NCAM2: variants seen among roughly 807,000 people sequenced by gnomAD.
NCAM2 encodes the protein N-CAM-2.
Under a neutral mutation model 98.1 loss-of-function variants are expected in NCAM2, and 30 were observed. That is an observed-to-expected ratio of 0.31 (90% CI 0.23 to 0.41). NCAM2 has a LOEUF of 0.41. Among genes scored for constraint, NCAM2 ranks in the 10% least tolerant of loss-of-function variants. The probability of loss-of-function intolerance (pLI) is 1.00; values close to 1 mark genes in which losing one functional copy is unlikely to be tolerated. For synonymous variants in NCAM2, 368 were observed against 342.4 expected (o/e 1.07, Z -0.83); for missense variants, 867 against 1,005.8 (o/e 0.86, Z 1.87).
chr21:21,227,674 A>T (rs1375466847), intron 1 of NCAM2, among the ~76,000 whole-genome samples: 1 of 151,924 alleles, frequency 6.6e-6, no homozygotes, highest in Admixed American at 6.6e-5. Context: ...TCTCTAGCAG[A>T]TATGTCTAAA....
At chr21:21,340,446 C>T (rs917146512) in intron 8 of NCAM2, among the ~76,000 whole-genome samples, 5 of 151,968 alleles carry the variant, frequency 3.3e-5, no homozygotes, top group African/African-American at 1.2e-4. Flanking sequence ...CACACAGATA[C>T]TTATTCTGTA....
At chr21:21,080,297 C>G (rs115062802) in intron 1 of NCAM2, among the ~76,000 whole-genome samples, 1 of 152,040 alleles carries the variant, frequency 6.6e-6, no homozygotes, top group Non-Finnish European at 1.5e-5. Context: ...CCCCTAAAGA[C>G]ATTAACATTT....
At chr21:21,187,781 A>G (rs1386290989) in intron 1 of NCAM2, among the ~76,000 whole-genome samples, 2 of 152,152 alleles carry the variant, frequency 1.3e-5, no homozygotes, top group African/African-American at 2.4e-5. Context: ...CTGACTCACT[A>G]CTGAGTGAGC....
intron 5 of NCAM2, among the ~76,000 whole-genome samples, chr21:21,307,432 A>G (rs2073918134): frequency 6.6e-6 from 1 of 152,130 alleles, no homozygotes; most frequent in Non-Finnish European, 1.5e-5. Context: ...TTCTGCTCCA[A>G]CAAATTACAA....
At chr21:21,096,712 T>C (rs535472285) in intron 1 of NCAM2, among the ~76,000 whole-genome samples, 1 of 151,802 alleles carries the variant, frequency 6.6e-6, no homozygotes, top group South Asian at 2.1e-4. Flanking sequence ...ACTCTTTTAA[T>C]ATCATGGAAT....
At chr21:21,439,211 C>T (rs911178040) in intron 12 of NCAM2, among the ~76,000 whole-genome samples, 4 of 151,952 alleles carry the variant, frequency 2.6e-5, no homozygotes, top group South Asian at 4.1e-4. Flanking sequence ...CTCCGCCTCC[C>T]GGGTTCAAGC....
At chr21:21,491,926 T>A (rs1986879445) in intron 15 of NCAM2, among the ~76,000 whole-genome samples, 1 of 151,650 alleles carries the variant, frequency 6.6e-6, no homozygotes, top group African/African-American at 2.4e-5. Context: ...TTTCTTTTTA[T>A]TATTTTTGTT....
intron 5 of NCAM2, among the ~76,000 whole-genome samples, chr21:21,315,974 C>T (rs117915233): frequency 0.022 from 3,290 of 152,098 alleles, 55 homozygotes; most frequent in Non-Finnish European, 0.036. Flanking sequence ...ATGATCAGAG[C>T]CTTATTTAAA....
chr21:21,395,401 TA>T (rs2076481852), intron 9 of NCAM2, among the ~76,000 whole-genome samples: 1 of 152,082 alleles, frequency 6.6e-6, no homozygotes, highest in Non-Finnish European at 1.5e-5. Flanking sequence ...ATGGGTACAT[TA>T]AAATGAAATA....
At chr21:21,289,298 G>T (rs1346489371) in intron 4 of NCAM2, among the ~76,000 whole-genome samples, 1 of 151,878 alleles carries the variant, frequency 6.6e-6, no homozygotes, top group Non-Finnish European at 1.5e-5. Flanking sequence ...AGCAAGATAA[G>T]TTCACTGCCT....
chr21:21,537,331 G>C (rs1460684091), intron 17 of NCAM2, among the ~76,000 whole-genome samples: 4 of 152,126 alleles, frequency 2.6e-5, no homozygotes, highest in Admixed American at 2.0e-4. Flanking sequence ...ACAAGCATGA[G>C]CCACCACGCC....
chr21:21,121,437 T>C (rs575939753), intron 1 of NCAM2, among the ~76,000 whole-genome samples: 2 of 152,300 alleles, frequency 1.3e-5, no homozygotes, highest in East Asian at 1.9e-4. Flanking sequence ...CTCCAAATAA[T>C]TGAAGAAATT....
At chr21:21,186,503 G>T (rs1349962625) in intron 1 of NCAM2, among the ~76,000 whole-genome samples, 1 of 151,952 alleles carries the variant, frequency 6.6e-6, no homozygotes, top group African/African-American at 2.4e-5. Context: ...ACTGCTAATG[G>T]ATAAGAAACA....
intron 12 of NCAM2, among the ~76,000 whole-genome samples, chr21:21,458,698 A>G (rs563099097): frequency 5.3e-5 from 8 of 152,296 alleles, no homozygotes; most frequent in Non-Finnish European, 1.2e-4. Flanking sequence ...TGTTGTTTAT[A>G]AGCCTCCTAG....
At chr21:21,400,360 A>G (rs1220021892) in intron 9 of NCAM2, among the ~76,000 whole-genome samples, 2 of 152,218 alleles carry the variant, frequency 1.3e-5, no homozygotes, top group Non-Finnish European at 2.9e-5. Context: ...ATAACAGCTA[A>G]AAGAGCATAG....
At chr21:21,414,761 G>C (rs1043898370) in intron 10 of NCAM2, among the ~76,000 whole-genome samples, 1 of 152,034 alleles carries the variant, frequency 6.6e-6, no homozygotes, top group Non-Finnish European at 1.5e-5. Context: ...GAGCCACCGC[G>C]CCCGGCCACA....
intron 1 of NCAM2, among the ~76,000 whole-genome samples, chr21:21,173,495 A>G (rs1221578510): frequency 6.6e-6 from 1 of 152,172 alleles, no homozygotes; most frequent in Non-Finnish European, 1.5e-5. Flanking sequence ...CTGCACCTTC[A>G]CTTAGTGAAC....
chr21:21,047,953 T>G (rs965423757), intron 1 of NCAM2, among the ~76,000 whole-genome samples: 1 of 152,302 alleles, frequency 6.6e-6, no homozygotes, highest in Admixed American at 6.5e-5. Context: ...CAGGAAGAAA[T>G]CAAAATGTTT....
intron 1 of NCAM2, among the ~76,000 whole-genome samples, chr21:21,200,575 A>G (rs1358247664): frequency 6.6e-6 from 1 of 152,116 alleles, no homozygotes; most frequent in Non-Finnish European, 1.5e-5. Flanking sequence ...GTCACTGTGA[A>G]ACATAAAAAC....
Sources: allele counts gnomAD v4.1 joint callset (sites outside exome capture counted in the v4.1 genomes callset), GRCh38; gene constraint gnomAD v4.1.1; transcripts MANE v1.5; gene names NCBI Gene and HGNC (gene_info 2026-07-23, HGNC 2026-07-21).